Variants in PNLIPRP1 observed in about 807,000 individuals in gnomAD.
PNLIPRP1 encodes inactive pancreatic lipase-related protein 1.
In PNLIPRP1, 57 loss-of-function variants were observed where a neutral mutation model predicts 54.6. The ratio of observed to expected loss-of-function variants is 1.04; its 90% CI spans 0.84 to 1.30. PNLIPRP1 has a LOEUF of 1.30. PNLIPRP1 is among the 50% of genes most tolerant of loss of function. The probability of loss-of-function intolerance (pLI) is 0.00; values close to 1 mark genes in which losing one functional copy is unlikely to be tolerated. For synonymous variants in PNLIPRP1, 232 were observed against 208.8 expected, an observed-to-expected ratio of 1.11 and a Z score of -0.96; for missense variants, 567 against 568.5, an observed-to-expected ratio of 1.00 and a Z score of 0.03.
chr10:116,593,330 CACAA>C (rs200320555), intron 4 of PNLIPRP1: 2,126 of 152,612 alleles, frequency 0.014, 28 homozygotes, highest in Middle Eastern at 0.051. Flanking sequence ...TGCATACACA[CACAA>C]ACACACACAC....
chr10:116,608,688 C>G (rs973838264), intron 12 of PNLIPRP1, among the ~76,000 whole-genome samples: 1 of 152,222 alleles, frequency 6.6e-6, no homozygotes, highest in African/African-American at 2.4e-5. Context: ...GGCCGCTGTC[C>G]CCTTCCGAGA....
intron 6 of PNLIPRP1, 29 bp from the exon 7 acceptor site, chr10:116,597,799 T>C (rs1554864144): frequency 6.2e-7 from 1 of 1,613,980 alleles, no homozygotes; most frequent in South Asian, 1.1e-5. Context: ...TCAGGTCTAT[T>C]GTTCTGCAGT....
At position 116,602,141 on chromosome 10, in the gene PNLIPRP1, G is replaced by A. The variant is rs1282630359; in HGVS notation, c.1063+940G>A. Among the ~76,000 whole-genome samples the A allele has an allele frequency of 5.9e-5, 9 of 151,684 alleles. No homozygotes were observed. The East Asian group carries it at 1.4e-3, about 23-fold the overall frequency. ...CGCCATTCTCCTGCCTCAGCCTCCC[G>A]AGTAGCTGGGACTACAGGCGCCCGC... On this transcript the variant is annotated intron_variant, in intron 10 of 12. Transcript: ENST00000358834.
rs782526462 is a variant in PNLIPRP1, at chr10:116,591,797, G to A, written c.76G>A (p.Gly26Arg). 3.7e-5 allele frequency: 59 copies of A among 1,614,068 alleles called. No individual in the cohort carries two copies. Among genetic ancestry groups the A allele is most frequent in the East Asian group, 4.5e-5 (2 of 44,880 alleles). ...AAAAGAAGTTTGCTATGAGGACCTC[G>A]GGTGCTTTTCTGACACTGAGCCCTG... ...KGKEVCYEDL[G>R]CFSDTEPWGG... Residue 26 changes from glycine (G) to arginine (R), a missense_variant, in exon 3 of 13, where the codon GGG (glycine) becomes AGG (arginine). By Grantham distance (125) the Gly-to-Arg change is moderately radical. Transcript: ENST00000358834.
At chr10:116,598,563 T>A (rs1847776722) in intron 8 of PNLIPRP1, among the ~76,000 whole-genome samples, 1 of 152,220 alleles carries the variant, frequency 6.6e-6, no homozygotes, top group Admixed American at 6.5e-5. Flanking sequence ...CAAAATGATG[T>A]AATCAGCTCC....
chr10:116,599,120 TG>T (rs1847786213), intron 8 of PNLIPRP1, among the ~76,000 whole-genome samples: 2 of 151,784 alleles, frequency 1.3e-5, no homozygotes, highest in Non-Finnish European at 2.9e-5. Context: ...CCAGTCGTGG[TG>T]GTGCGTGGCT....
At chr10:116,603,857 C>T (rs899667490) in intron 10 of PNLIPRP1, among the ~76,000 whole-genome samples, 173 bp from the exon 11 acceptor site, 1 of 152,212 alleles carries the variant, frequency 6.6e-6, no homozygotes, top group Non-Finnish European at 1.5e-5. Flanking sequence ...TGCACCACTA[C>T]ACTCCAGCCT....
chr10:116,603,543 C>A (rs533146294), intron 10 of PNLIPRP1, among the ~76,000 whole-genome samples: 9 of 152,300 alleles, frequency 5.9e-5, no homozygotes, highest in African/African-American at 1.9e-4. Flanking sequence ...GGGGATACTG[C>A]TAAATACATA....
chr10:116,597,886 CT>C lies in PNLIPRP1; in HGVS notation c.634del (p.Ser212LeufsTer8). 1 of 1,614,208 alleles carries C rather than the reference CT, an allele frequency of 6.2e-7. No homozygotes were observed. The highest frequency in any genetic ancestry group is 8.5e-7 in the Non-Finnish European group (1 of 1,180,030). On this transcript the variant is annotated frameshift_variant, in exon 7 of 13. Coordinates refer to ENST00000358834, the MANE Select transcript of PNLIPRP1 (RefSeq NM_006229.4). LOFTEE classifies it high-confidence loss of function. ...STPEEVRLDP[S>X]DADFVDVIHT... ...CTCCTGAAGAGGTGCGACTTGATCC[CT>C]CTGATGCTGACTTTGTTGATGTGAT...
At chr10:116,607,102 CAT>C (rs1847947810) in intron 12 of PNLIPRP1, among the ~76,000 whole-genome samples, 1 of 151,944 alleles carries the variant, frequency 6.6e-6, no homozygotes, top group Non-Finnish European at 1.5e-5. Flanking sequence ...AGAATCCCCT[CAT>C]ATTTTTTAGT....
At chr10:116,597,435 G>A (rs1250028717) in intron 6 of PNLIPRP1, among the ~76,000 whole-genome samples, 1 of 152,166 alleles carries the variant, frequency 6.6e-6, no homozygotes, top group Non-Finnish European at 1.5e-5. Flanking sequence ...TTTGGAGCCA[G>A]GCAACCTAGA....
At chr10:116,592,023 C>T (rs777254255) in intron 3 of PNLIPRP1, 98 bp downstream of exon 3, 11 of 1,312,010 alleles carry the variant, frequency 8.4e-6, no homozygotes, top group Non-Finnish European at 9.6e-6. Context: ...CTTCCTCCAC[C>T]ATGCCCCACC....
At chr10:116,605,754 A>C (rs1554865515) in intron 12 of PNLIPRP1, among the ~76,000 whole-genome samples, 2 of 152,228 alleles carry the variant, frequency 1.3e-5, no homozygotes, top group Non-Finnish European at 2.9e-5. Flanking sequence ...TGTTCTCAGC[A>C]CTGCCTGTGG....
chr10:116,597,600 C>A (rs963824095), intron 6 of PNLIPRP1, among the ~76,000 whole-genome samples: 2 of 152,184 alleles, frequency 1.3e-5, no homozygotes, highest in African/African-American at 2.4e-5. Context: ...ATCTAAATTT[C>A]TTTGCTCATT....
intron 10 of PNLIPRP1, among the ~76,000 whole-genome samples, chr10:116,603,014 G>T (rs566794021): frequency 2.3e-4 from 35 of 152,136 alleles, no homozygotes; most frequent in African/African-American, 7.2e-4. Flanking sequence ...TTGTGTATAT[G>T]TATTGTGTGT....
chr10:116,596,115 G>C, intron 5 of PNLIPRP1, 99 bp from the exon 6 acceptor site: 1 of 778,180 alleles, frequency 1.3e-6, no homozygotes, highest in Non-Finnish European at 2.2e-6. Flanking sequence ...GCAATGAGAG[G>C]CATGGAAGGT....
intron 6 of PNLIPRP1, among the ~76,000 whole-genome samples, 200 bp from the exon 7 acceptor site, chr10:116,597,628 G>A (rs554356740): frequency 9.2e-5 from 14 of 152,158 alleles, no homozygotes; most frequent in Non-Finnish European, 1.6e-4. Context: ...CTCCATCCAC[G>A]CCACTGGGAA....
rs1564742242 is a variant in PNLIPRP1, at chr10:116,608,981, C to CAAAA, written c.1341-72_1341-71insAAAA. 5.1e-5 allele frequency: 53 copies of CAAAA among 1,030,208 alleles called. No individual in the cohort carries two copies. The East Asian group carries it at 6.6e-4, about 13-fold the overall frequency. 63.8% of individuals were successfully genotyped at this position (1,030,208 alleles called of 1,614,324 possible). A position where few individuals can be genotyped will look rare whatever the true frequency, so the allele number is the denominator to read the frequency against. On this transcript the variant is annotated intron_variant, in intron 12 of 12. Coordinates refer to ENST00000358834, the MANE Select transcript of PNLIPRP1 (RefSeq NM_006229.4). ...AAAAACCAAACCAAACCAAACCAAA[C>CAAAA]CAAAACAAAACAAAACACCTGGCTT... is the stretch of plus-strand genomic sequence containing the variant.
intron 11 of PNLIPRP1, 125 bp from the exon 12 acceptor site, chr10:116,605,261 T>G: frequency 1.8e-6 from 1 of 563,154 alleles, no homozygotes; most frequent in Non-Finnish European, 3.0e-6. Flanking sequence ...TTCTCCATCC[T>G]TTATTTGGAA....
Sources: allele counts gnomAD v4.1 joint callset (sites outside exome capture counted in the v4.1 genomes callset), GRCh38; gene constraint gnomAD v4.1.1; transcripts MANE v1.5; gene names NCBI Gene and HGNC (gene_info 2026-07-23, HGNC 2026-07-21).